The following ETV7 variants were observed in gnomAD, a reference collection of about 807,000 sequenced individuals.
The protein encoded by ETV7 is ETS variant transcription factor 7, also known as transcription factor ETV7.
In ETV7, 43 loss-of-function variants were observed where a neutral mutation model predicts 39.1. The ratio of observed to expected loss-of-function variants is 1.10; its 90% confidence interval spans 0.86 to 1.42. The LOEUF (loss-of-function observed/expected upper bound fraction) is 1.42. ETV7 is among the 40% of genes most tolerant of loss of function. The pLI is 0.00. For synonymous variants in ETV7, 196 were observed against 176.6 expected (o/e 1.11, Z -0.87); for missense variants, 432 against 442.3 (o/e 0.98, Z 0.21).
chr6:36,382,076 C>A (rs941122937), intron 2 of ETV7, among the ~76,000 whole-genome samples: 30 of 152,134 alleles, frequency 2.0e-4, no homozygotes, highest in African/African-American at 7.0e-4. Context: ...CCCATTCCAC[C>A]CCACCTCTCT....
downstream of ETV7, among the ~76,000 whole-genome samples, chr6:36,363,121 TGAG>T (rs1772565067): frequency 1.3e-5 from 2 of 152,090 alleles, no homozygotes; most frequent in Non-Finnish European, 1.5e-5. Flanking sequence ...AGCTCTGGGG[TGAG>T]GAGGTGATAA....
At chr6:36,368,614 G>A (rs563211818) in intron 6 of ETV7, among the ~76,000 whole-genome samples, 8 of 152,130 alleles carry the variant, frequency 5.3e-5, no homozygotes, top group African/African-American at 7.2e-5. Flanking sequence ...CCAGCTCCCC[G>A]CAGGAAAGCA....
intron 4 of ETV7, 101 bp downstream of exon 4, chr6:36,373,352 C>A: frequency 7.3e-7 from 1 of 1,371,656 alleles, no homozygotes; most frequent in Non-Finnish European, 9.5e-7. Flanking sequence ...AGCTTGCCCA[C>A]ACTGGCCACC....
At chr6:36,375,776 C>T in intron 3 of ETV7, 95 bp downstream of exon 3, 5 of 1,578,864 alleles carry the variant, frequency 3.2e-6, no homozygotes, top group Non-Finnish European at 4.3e-6. Flanking sequence ...CAAGGAAGAC[C>T]CCTCCATCTC....
At chr6:36,364,381 A>G (rs1036616069), downstream of ETV7, among the ~76,000 whole-genome samples, 3 of 152,236 alleles carry the variant, frequency 2.0e-5, no homozygotes, top group Admixed American at 6.5e-5. Flanking sequence ...GCCCCGCAGG[A>G]AGGCAGCTAA....
chr6:36,354,801 T>C, intron 7 of ETV7: 2 of 541,188 alleles, frequency 3.7e-6, no homozygotes, highest in Non-Finnish European at 6.6e-6. Context: ...TATCTGTCCA[T>C]TTATTTAGAT....
downstream of ETV7, among the ~76,000 whole-genome samples, chr6:36,363,583 C>G (rs182666132): frequency 6.6e-6 from 1 of 152,348 alleles, no homozygotes; most frequent in East Asian, 1.9e-4. Flanking sequence ...AGCAAAAGAA[C>G]AAAGCTCCCA....
At chr6:36,376,141 C>A in intron 2 of ETV7, 106 bp from the exon 3 acceptor site, 1 of 1,010,416 alleles carries the variant, frequency 9.9e-7, no homozygotes, top group Non-Finnish European at 1.4e-6. Context: ...TGGCCCCCAA[C>A]CCCCATCATC....
chr6:36,378,018 T>C (rs1773462609), intron 2 of ETV7, among the ~76,000 whole-genome samples: 1 of 152,220 alleles, frequency 6.6e-6, no homozygotes, highest in Non-Finnish European at 1.5e-5. Flanking sequence ...ATGTGAGAAC[T>C]GGCCTCTGTG....
At chr6:36,376,115 A>G in intron 2 of ETV7, 80 bp from the exon 3 acceptor site, 1 of 1,369,650 alleles carries the variant, frequency 7.3e-7, no homozygotes, top group Non-Finnish European at 9.9e-7. Flanking sequence ...TCATCTGAGC[A>G]GATGCTCCCC....
At chr6:36,361,471 G>A (rs1367612874), downstream of ETV7, among the ~76,000 whole-genome samples, 7 of 152,384 alleles carry the variant, frequency 4.6e-5, no homozygotes, top group African/African-American at 1.7e-4. Flanking sequence ...GGGACCAGAG[G>A]AGGAAGCCAA....
chr6:36,356,342 A>C (rs1409538318), intron 7 of ETV7, among the ~76,000 whole-genome samples: 2 of 151,462 alleles, frequency 1.3e-5, no homozygotes, highest in African/African-American at 2.4e-5. Flanking sequence ...AAAAAAAACA[A>C]AAAAAAACAC....
chr6:36,381,706 T>C (rs115237369), intron 2 of ETV7, among the ~76,000 whole-genome samples: 1,872 of 152,270 alleles, frequency 0.012, 32 homozygotes, highest in African/African-American at 0.041. Flanking sequence ...CACACCAAGC[T>C]TTACGGTCAT....
downstream of ETV7, among the ~76,000 whole-genome samples, chr6:36,362,321 G>A (rs936466492): frequency 6.6e-6 from 1 of 151,884 alleles, no homozygotes; most frequent in Non-Finnish European, 1.5e-5. Context: ...AAAATTAGCT[G>A]GTGTGGTGGC....
chr6:36,367,905 A>G (rs541188321), intron 6 of ETV7, among the ~76,000 whole-genome samples: 10 of 152,360 alleles, frequency 6.6e-5, no homozygotes, highest in African/African-American at 2.4e-4. Flanking sequence ...CTAATCCATG[A>G]AAGCAGTTAG....
intron 3 of ETV7, among the ~76,000 whole-genome samples, chr6:36,374,396 A>G (rs1773200484): frequency 6.6e-6 from 1 of 151,720 alleles, no homozygotes; most frequent in South Asian, 2.1e-4. Context: ...CCTTGGTCCC[A>G]GAAATCTTCT....
At position 36,371,355 on chromosome 6, in the gene ETV7, C is replaced by T. The variant is rs1773008813; in HGVS notation, c.639G>A (p.Gln213=). The change falls in exon 5 of 8, where the codon CAG becomes CAA. Residue 213 remains glutamine, a synonymous_variant. Transcript: ENST00000340181. The part of the protein sequence containing the change: ...QGVCSFPAMP[Q]APIDGRIADC... ...CAGCGATCCTGCCGTCAATGGGGGC[C>T]TGCGGCATCGCGGGGAAGGAACAGA... 1 of 1,594,654 alleles carries T rather than the reference C, an allele frequency of 6.3e-7. No homozygotes were observed. The highest frequency in any genetic ancestry group is 1.1e-5 in the South Asian group (1 of 88,310).
At chr6:36,362,586 G>A (rs372694436), downstream of ETV7, among the ~76,000 whole-genome samples, 1 of 152,220 alleles carries the variant, frequency 6.6e-6, no homozygotes. Flanking sequence ...GTACAGAGCA[G>A]GTACTCAATT....
chr6:36,354,540 A>T lies in ETV7; in HGVS notation c.*102T>A, dbSNP rs748914166. 7.0e-5 allele frequency: 44 copies of T among 629,298 alleles called. 1 individual carries two copies. The highest frequency in any genetic ancestry group is 2.9e-4 in the South Asian group (16 of 54,488). 39.0% of individuals were successfully genotyped at this position (629,298 alleles called of 1,614,324 possible). On this transcript the variant is annotated 3_prime_UTR_variant, in exon 8 of 8. Coordinates refer to the ETV7 transcript ENST00000339796. ...TAATCTATATCCTTATGCCATTACC[A>T]ATCTTTGTTGAGTACTATAGCTTTG...
Sources: allele counts gnomAD v4.1 joint callset (sites outside exome capture counted in the v4.1 genomes callset), GRCh38; gene constraint gnomAD v4.1.1; transcripts MANE v1.5; gene names NCBI Gene and HGNC (gene_info 2026-07-23, HGNC 2026-07-21).